ZC3H12B: variants seen among roughly 807,000 people sequenced by gnomAD.
The protein encoded by ZC3H12B is probable ribonuclease ZC3H12B.
ZC3H12B carries 7 observed loss-of-function variants against 43.9 expected under a neutral mutation model. That is an observed-to-expected ratio of 0.16 (90% CI 0.09 to 0.30). The LOEUF (loss-of-function observed/expected upper bound fraction) is 0.30. Among genes scored for constraint, ZC3H12B ranks in the 10% least tolerant of loss-of-function variants. The pLI, the probability that ZC3H12B is intolerant of heterozygous loss-of-function variation, is 1.00. For synonymous variants in ZC3H12B, 222 were observed against 241.7 expected, an observed-to-expected ratio of 0.92 and a Z score of 0.76; for missense variants, 475 against 670.2, an observed-to-expected ratio of 0.71 and a Z score of 3.22.
chrX:65,446,166 G>A (rs2067373527), intron 3 of ZC3H12B, among the ~76,000 whole-genome samples: 1 of 112,019 alleles, frequency 8.9e-6, no homozygotes, highest in South Asian at 3.8e-4. Flanking sequence ...CCTGGAATGG[G>A]GGCCTGAGGA....
intron 2 of ZC3H12B, among the ~76,000 whole-genome samples, chrX:65,394,779 T>C (rs956728607): frequency 8.9e-6 from 1 of 112,249 alleles, no homozygotes; most frequent in African/African-American, 3.2e-5. Context: ...ATTGAATCTA[T>C]AAATTACTTT....
At chrX:65,347,762 T>C in the ZC3H12B span, among the ~76,000 whole-genome samples, 1 of 112,434 alleles carries the variant, frequency 8.9e-6, no homozygotes, top group African/African-American at 3.2e-5. Flanking sequence ...TTATAAATCA[T>C]GCTGCTATAA....
chrX:65,325,260 G>A, the ZC3H12B span, among the ~76,000 whole-genome samples: 1 of 110,875 alleles, frequency 9.0e-6, no homozygotes, highest in Non-Finnish European at 1.9e-5. Flanking sequence ...AGAGAAATAA[G>A]GCTAGAGAGG....
At chrX:65,259,640 A>C in the ZC3H12B span, among the ~76,000 whole-genome samples, 1 of 112,299 alleles carries the variant, frequency 8.9e-6, no homozygotes, top group Non-Finnish European at 1.9e-5. Flanking sequence ...AAATAGTATA[A>C]CCATTATGGA....
chrX:65,459,344 C>T (rs868116128), intron 3 of ZC3H12B, among the ~76,000 whole-genome samples: 1 of 111,972 alleles, frequency 8.9e-6, no homozygotes, highest in African/African-American at 3.3e-5. Flanking sequence ...GGAATCCTCC[C>T]TAACTCATTT....
At chrX:65,242,131 C>T in the ZC3H12B span, among the ~76,000 whole-genome samples, 3 of 110,502 alleles carry the variant, frequency 2.7e-5, no homozygotes, top group East Asian at 2.9e-4. Flanking sequence ...GTGCCACTCC[C>T]GGGTGGGCTA....
intron 3 of ZC3H12B, among the ~76,000 whole-genome samples, chrX:65,475,139 A>T (rs1343272355): frequency 3.6e-5 from 4 of 112,151 alleles, no homozygotes; most frequent in Non-Finnish European, 7.5e-5. Context: ...TTGTACTCAG[A>T]ATCTGCTTTT....
the ZC3H12B span, among the ~76,000 whole-genome samples, chrX:65,128,305 G>A: frequency 8.9e-6 from 1 of 111,952 alleles, no homozygotes; most frequent in Non-Finnish European, 1.9e-5. Flanking sequence ...TTTCTCCTGA[G>A]ATTTTCTTCT....
chrX:65,256,376 A>G, the ZC3H12B span, among the ~76,000 whole-genome samples: 1 of 101,863 alleles, frequency 9.8e-6, no homozygotes, highest in South Asian at 3.7e-4. Context: ...GAAATCAATA[A>G]TAAGAAAATC....
the ZC3H12B span, among the ~76,000 whole-genome samples, chrX:65,347,180 A>G: frequency 9.0e-6 from 1 of 111,609 alleles, no homozygotes; most frequent in Non-Finnish European, 1.9e-5. Context: ...AGTGGACCTC[A>G]AGGAAATTCC....
At chrX:65,183,594 G>A in the ZC3H12B span, among the ~76,000 whole-genome samples, 1 of 111,754 alleles carries the variant, frequency 8.9e-6, no homozygotes, top group Non-Finnish European at 1.9e-5. Flanking sequence ...CAGTCTTATG[G>A]TTGTGGAATC....
At chrX:65,182,268 G>A in the ZC3H12B span, among the ~76,000 whole-genome samples, 3 of 110,809 alleles carry the variant, frequency 2.7e-5, no homozygotes, top group Non-Finnish European at 5.7e-5. Context: ...GGGGGCAAGG[G>A]GAGGGAGAGC....
the ZC3H12B span, among the ~76,000 whole-genome samples, chrX:65,190,747 G>C: frequency 2.8e-5 from 3 of 107,653 alleles, no homozygotes; most frequent in Non-Finnish European, 5.7e-5. Flanking sequence ...TCTGCAAACA[G>C]GGACAATTTG....
chrX:65,117,103 T>G, the ZC3H12B span, among the ~76,000 whole-genome samples: 1 of 112,108 alleles, frequency 8.9e-6, no homozygotes, highest in Non-Finnish European at 1.9e-5. Context: ...TCAAATGGTA[T>G]GTCTAGTTCT....
intron 3 of ZC3H12B, among the ~76,000 whole-genome samples, chrX:65,413,203 T>A (rs2066924083): frequency 8.9e-6 from 1 of 112,242 alleles, no homozygotes; most frequent in South Asian, 3.7e-4. Flanking sequence ...GATACTAGTC[T>A]CTTATCAGAC....
the ZC3H12B span, among the ~76,000 whole-genome samples, chrX:65,209,542 G>T: frequency 9.7e-6 from 1 of 103,330 alleles, no homozygotes; most frequent in Non-Finnish European, 2.0e-5. Flanking sequence ...TGGTCTGAGA[G>T]ATAGTTTGCT....
the ZC3H12B span, among the ~76,000 whole-genome samples, chrX:65,085,381 C>T: frequency 9.0e-6 from 1 of 110,950 alleles, no homozygotes; most frequent in South Asian, 3.8e-4. Flanking sequence ...ATCCCATAAA[C>T]ATATATACCT....
chrX:65,442,382 C>T (rs2067313310), intron 3 of ZC3H12B, among the ~76,000 whole-genome samples: 1 of 111,061 alleles, frequency 9.0e-6, no homozygotes, highest in African/African-American at 3.3e-5. Context: ...CTCTGGGTCC[C>T]TGTTTTATAG....
chrX:65,146,610 G>A, the ZC3H12B span, among the ~76,000 whole-genome samples: 1 of 111,594 alleles, frequency 9.0e-6, no homozygotes, highest in South Asian at 3.7e-4. Flanking sequence ...GGAAGGTCTA[G>A]GGCCGAAGGC....
Sources: allele counts gnomAD v4.1 joint callset (sites outside exome capture counted in the v4.1 genomes callset), GRCh38; gene constraint gnomAD v4.1.1; transcripts MANE v1.5; gene names NCBI Gene and HGNC (gene_info 2026-07-23, HGNC 2026-07-21).